Variants in SEM1 observed in about 807,000 individuals in gnomAD.
The protein encoded by SEM1 is 26S proteasome complex subunit SEM1.
Under a neutral mutation model 12.7 loss-of-function variants are expected in SEM1, and 3 were observed. The ratio of observed to expected loss-of-function variants is 0.24; its 90% CI spans 0.11 to 0.61. The LOEUF is 0.61. Among genes scored for constraint, SEM1 ranks in the 20% least tolerant of loss-of-function variants. The pLI is 0.88. For missense variants in SEM1, 59 were observed against 81.3 expected, an observed-to-expected ratio of 0.73 and a Z score of 1.06; for synonymous variants, 30 against 27.8, an observed-to-expected ratio of 1.08 and a Z score of -0.25.
At chr7:96,587,637 C>T (rs115518713) in intron 2 of SEM1, among the ~76,000 whole-genome samples, 1,991 of 142,064 alleles carry the variant, frequency 0.014, 39 homozygotes, top group African/African-American at 0.048. Context: ...TACTGCATTA[C>T]GATTAAGACT....
intron 2 of SEM1, among the ~76,000 whole-genome samples, chr7:96,610,041 G>C (rs1375879066): frequency 6.6e-6 from 1 of 150,960 alleles, no homozygotes; most frequent in Non-Finnish European, 1.5e-5. Context: ...GTGAAATTGA[G>C]AAAGAAAAAA....
At chr7:96,541,939 T>C (rs983735032) in intron 2 of SEM1, among the ~76,000 whole-genome samples, 3 of 133,330 alleles carry the variant, frequency 2.3e-5, no homozygotes, top group Admixed American at 9.0e-5. Context: ...CATTGGCCTA[T>C]GTGTCTTTTT....
chr7:96,553,546 T>C (rs1352319631), intron 2 of SEM1, among the ~76,000 whole-genome samples: 1 of 152,268 alleles, frequency 6.6e-6, no homozygotes, highest in Admixed American at 6.5e-5. Context: ...TCTGTTCCAT[T>C]GATCTATATC....
chr7:96,546,950 G>A (rs1403272416), intron 2 of SEM1, among the ~76,000 whole-genome samples: 1 of 152,056 alleles, frequency 6.6e-6, no homozygotes, highest in African/African-American at 2.4e-5. Context: ...CATCCTTTCG[G>A]TTGTAGCTGG....
At chr7:96,660,112 C>A (rs1277651934) in intron 2 of SEM1, among the ~76,000 whole-genome samples, 1 of 151,984 alleles carries the variant, frequency 6.6e-6, no homozygotes, top group Non-Finnish European at 1.5e-5. Context: ...AAAAAACTAA[C>A]CATGCAAATA....
At chr7:96,659,913 C>CAAAAAAAAAAAAAAAAAAAAAAAAAAGGA (rs71529826) in intron 2 of SEM1, among the ~76,000 whole-genome samples, 1 of 66,720 alleles carries the variant, frequency 1.5e-5, no homozygotes, top group Non-Finnish European at 3.0e-5. Flanking sequence ...AGTAAGATGG[C>CAAAAAAAAAAAAAAAAAAAAAAAAAAGGA]AAAAAAAAAA....
intron 2 of SEM1, among the ~76,000 whole-genome samples, chr7:96,682,051 C>CT (rs1789629249): frequency 6.6e-6 from 1 of 152,010 alleles, no homozygotes; most frequent in South Asian, 2.1e-4. Context: ...TGTGTCCTCT[C>CT]TTATTTCCTT....
At chr7:96,491,816 T>C (rs1803020220) in intron 1 of SEM1, among the ~76,000 whole-genome samples, 1 of 150,156 alleles carries the variant, frequency 6.7e-6, no homozygotes, top group Non-Finnish European at 1.5e-5. Context: ...TGAAGAGTAA[T>C]TTTTTTTAAC....
At chr7:96,501,924 T>C (rs976836040) in intron 3 of SEM1, among the ~76,000 whole-genome samples, 2 of 152,098 alleles carry the variant, frequency 1.3e-5, no homozygotes, top group African/African-American at 4.8e-5. Flanking sequence ...AACCCATCTT[T>C]ATATCCATGA....
At chr7:96,545,328 T>A (rs1584752070) in intron 2 of SEM1, among the ~76,000 whole-genome samples, 1 of 152,038 alleles carries the variant, frequency 6.6e-6, no homozygotes, top group Admixed American at 6.6e-5. Context: ...TCATAGTTTT[T>A]AAGGGGGACA....
intron 2 of SEM1, among the ~76,000 whole-genome samples, chr7:96,659,374 A>C (rs1788908758): frequency 6.6e-6 from 1 of 152,336 alleles, no homozygotes. Context: ...CTGCCAACTT[A>C]TACTCTCAGC....
At chr7:96,516,091 A>ATGGAT (rs1804087582) in intron 2 of SEM1, among the ~76,000 whole-genome samples, 1 of 152,096 alleles carries the variant, frequency 6.6e-6, no homozygotes, top group African/African-American at 2.4e-5. Context: ...CGTCACAAAA[A>ATGGAT]TTACTCAAAA....
At chr7:96,537,792 T>C (rs942108121) in intron 2 of SEM1, among the ~76,000 whole-genome samples, 1 of 151,758 alleles carries the variant, frequency 6.6e-6, no homozygotes, top group African/African-American at 2.4e-5. Context: ...GTTGGTGTTC[T>C]CTGAGCTTCC....
intron 2 of SEM1, among the ~76,000 whole-genome samples, chr7:96,675,741 C>T (rs983283909): frequency 6.6e-6 from 1 of 152,148 alleles, no homozygotes; most frequent in South Asian, 2.1e-4. Flanking sequence ...TCAAATATCA[C>T]TCTTGGGACT....
chr7:96,615,238 C>CTTTTT (rs1807672872), intron 2 of SEM1, among the ~76,000 whole-genome samples: 32 of 30,452 alleles, frequency 1.1e-3, no homozygotes, highest in East Asian at 7.7e-3. Flanking sequence ...TTTTTTGAGT[C>CTTTTT]ATCTTTTTTT....
At chr7:96,569,391 G>A (rs1289761919) in intron 2 of SEM1, among the ~76,000 whole-genome samples, 3 of 152,000 alleles carry the variant, frequency 2.0e-5, no homozygotes, top group Non-Finnish European at 4.4e-5. Flanking sequence ...GAATGGTGTG[G>A]AAGCTGATCA....
chr7:96,530,376 C>G (rs1366905218), intron 2 of SEM1, among the ~76,000 whole-genome samples: 1 of 152,032 alleles, frequency 6.6e-6, no homozygotes, highest in Non-Finnish European at 1.5e-5. Context: ...CAGGTGAGGG[C>G]CCCATGGAGG....
intron 2 of SEM1, among the ~76,000 whole-genome samples, chr7:96,661,988 CAAAAAA>C (rs890732912): frequency 8.3e-5 from 3 of 36,046 alleles, no homozygotes; most frequent in African/African-American, 1.8e-4. Flanking sequence ...AACTCCGTCT[CAAAAAA>C]AAAAAAAAAA....
intron 2 of SEM1, among the ~76,000 whole-genome samples, chr7:96,534,644 G>T (rs1423396544): frequency 6.6e-6 from 1 of 151,930 alleles, no homozygotes; most frequent in Non-Finnish European, 1.5e-5. Context: ...ATCTACAAAG[G>T]TTACTAAATA....
Sources: allele counts gnomAD v4.1 joint callset (sites outside exome capture counted in the v4.1 genomes callset), GRCh38; gene constraint gnomAD v4.1.1; transcripts MANE v1.5; gene names NCBI Gene and HGNC (gene_info 2026-07-23, HGNC 2026-07-21).